SLC15A2: variants seen among roughly 807,000 people sequenced by gnomAD.
The protein encoded by SLC15A2 is solute carrier family 15 member 2.
In SLC15A2, 77 loss-of-function variants were observed where a neutral mutation model predicts 95.5. The ratio of observed to expected loss-of-function variants is 0.81; its 90% CI spans 0.67 to 0.97. SLC15A2 has a LOEUF of 0.97. Among genes scored for constraint, SLC15A2 ranks in the 50% least tolerant of loss-of-function variants. SLC15A2 has a pLI of 0.00. For missense variants in SLC15A2, 893 were observed against 874.4 expected (o/e 1.02, Z -0.27); for synonymous variants, 306 against 306.9 (o/e 1.00, Z 0.03).
intron 19 of SLC15A2, among the ~76,000 whole-genome samples, chr3:121,933,302 G>C (rs1710269952): frequency 6.6e-6 from 1 of 151,612 alleles, no homozygotes; most frequent in African/African-American, 2.4e-5. Flanking sequence ...GGGTCAAATA[G>C]TATTTCTAGT....
At chr3:121,904,519 C>T (rs186690463) in intron 3 of SLC15A2, among the ~76,000 whole-genome samples, 109 of 152,096 alleles carry the variant, frequency 7.2e-4, no homozygotes, top group African/African-American at 2.3e-3. Context: ...TTTTGAGATA[C>T]GTTCCATCAA....
intron 13 of SLC15A2, 22 bp from the exon 14 acceptor site, chr3:121,927,736 T>G (rs759433451): frequency 1.3e-6 from 2 of 1,580,862 alleles, no homozygotes; most frequent in Non-Finnish European, 1.7e-6. Context: ...TTAGATATAA[T>G]TGTTTCTCCT....
chr3:121,904,557 T>G (rs1417314284), intron 3 of SLC15A2, among the ~76,000 whole-genome samples: 1 of 152,246 alleles, frequency 6.6e-6, no homozygotes, highest in Non-Finnish European at 1.5e-5. Flanking sequence ...GTTTTTAGCA[T>G]GAAGGGCTGT....
At chr3:121,920,527 A>G (rs2107593667) in intron 7 of SLC15A2, among the ~76,000 whole-genome samples, 1 of 152,186 alleles carries the variant, frequency 6.6e-6, no homozygotes, top group South Asian at 2.1e-4. Flanking sequence ...CAATCTCTCG[A>G]CCTTGTAATC....
intron 3 of SLC15A2, among the ~76,000 whole-genome samples, chr3:121,911,025 C>T (rs954332690): frequency 2.0e-5 from 3 of 152,130 alleles, no homozygotes; most frequent in Non-Finnish European, 4.4e-5. Flanking sequence ...TCCAAGTTAC[C>T]CAGGCTGAAC....
At chr3:121,909,561 T>C (rs1288336860) in intron 3 of SLC15A2, among the ~76,000 whole-genome samples, 4 of 152,212 alleles carry the variant, frequency 2.6e-5, no homozygotes, top group African/African-American at 9.6e-5. Flanking sequence ...TTCCTGCCAT[T>C]AGTTTCCTCT....
intron 3 of SLC15A2, among the ~76,000 whole-genome samples, chr3:121,902,451 T>C (rs1303987671): frequency 2.0e-5 from 3 of 152,190 alleles, no homozygotes; most frequent in African/African-American, 7.2e-5. Context: ...TGTTGGTTTG[T>C]TGCACCCATG....
At chr3:121,919,540 G>A (rs1322515434) in intron 7 of SLC15A2, among the ~76,000 whole-genome samples, 1 of 152,078 alleles carries the variant, frequency 6.6e-6, no homozygotes, top group Non-Finnish European at 1.5e-5. Flanking sequence ...CCACTAGATT[G>A]GTTAAAAGGC....
At chr3:121,926,385 A>C (rs1235842843) in intron 13 of SLC15A2, among the ~76,000 whole-genome samples, 1 of 152,138 alleles carries the variant, frequency 6.6e-6, no homozygotes, top group Admixed American at 6.5e-5. Context: ...ATTTAAAAGC[A>C]TGTAGTATCT....
At chr3:121,925,725 ACTATATATAT>A (rs1710102733) in intron 13 of SLC15A2, among the ~76,000 whole-genome samples, 2 of 56,338 alleles carry the variant, frequency 3.6e-5, no homozygotes, top group Non-Finnish European at 6.5e-5. Context: ...AAGGGGCTAG[ACTATATATAT>A]ATATATATAT....
chr3:121,939,540 A>G, intron 20 of SLC15A2, 45 bp downstream of exon 20: 1 of 1,447,682 alleles, frequency 6.9e-7, no homozygotes, highest in Admixed American at 2.6e-5. Flanking sequence ...CATTGCTTGA[A>G]GGACAATGAA....
chr3:121,898,143 C>T (rs1709454904), intron 3 of SLC15A2, among the ~76,000 whole-genome samples: 1 of 147,460 alleles, frequency 6.8e-6, no homozygotes, highest in South Asian at 2.1e-4. Flanking sequence ...GCCTGGGCAA[C>T]AGAAAAAGAC....
intron 11 of SLC15A2, 136 bp downstream of exon 11, chr3:121,923,402 GT>G: frequency 1.3e-6 from 1 of 760,764 alleles, no homozygotes; most frequent in Non-Finnish European, 2.1e-6. Context: ...AAGGTACCGT[GT>G]AGGCAAAGAT....
In SLC15A2 at chr3:121,931,739, A is replaced by C. The variant is rs1381681224; in HGVS notation, c.1761+4A>C. On this transcript the variant is annotated splice_donor_region_variant and intron_variant, in intron 19 of 21. Coordinates refer to ENST00000489711, the MANE Select transcript of SLC15A2 (RefSeq NM_021082.4). ...ATATCTGTTTGTTATTACTAATGTA[A>C]GTAGCTCACAGCCACCTCTTTACCC... The C allele has an allele frequency of 3.6e-5, 56 of 1,541,586 alleles. No individual in the cohort carries two copies. The highest frequency in any genetic ancestry group is 4.8e-5 in the Non-Finnish European group (53 of 1,114,164).
In SLC15A2 at chr3:121,929,292, T is replaced by G; in HGVS notation, c.1507-10T>G. The stretch of plus-strand genomic sequence containing the variant: ...CAGCTGTTACTGATTTTTACTTTCC[T>G]CTGTTGTAGGTAAAGGATACAGAAA... On this transcript the variant is annotated splice_polypyrimidine_tract_variant and intron_variant, in intron 16 of 21. Coordinates refer to ENST00000489711, the MANE Select transcript of SLC15A2 (RefSeq NM_021082.4). 1 of 1,613,758 alleles carries G rather than the reference T, an allele frequency of 6.2e-7. No homozygotes were observed. Among genetic ancestry groups the G allele is most frequent in the Non-Finnish European group, 8.5e-7 (1 of 1,179,766 alleles).
intron 3 of SLC15A2, among the ~76,000 whole-genome samples, chr3:121,906,937 A>C (rs904275866): frequency 3.3e-5 from 5 of 152,260 alleles, no homozygotes; most frequent in Middle Eastern, 6.8e-3. Context: ...TAATATCTTG[A>C]AGAGTGTTTT....
intron 3 of SLC15A2, among the ~76,000 whole-genome samples, chr3:121,910,237 C>T (rs796947053): frequency 1.1e-4 from 16 of 148,368 alleles, no homozygotes; most frequent in Middle Eastern, 3.6e-3. Context: ...GCTCTGTCGC[C>T]AGTATGGAGT....
At chr3:121,933,774 C>T (rs1330813977) in intron 19 of SLC15A2, among the ~76,000 whole-genome samples, 2 of 150,640 alleles carry the variant, frequency 1.3e-5, no homozygotes, top group African/African-American at 2.4e-5. Context: ...TAATTAGATC[C>T]CATTTGTCAA....
chr3:121,898,306 T>A (rs1328706681), intron 3 of SLC15A2, among the ~76,000 whole-genome samples: 1 of 152,178 alleles, frequency 6.6e-6, no homozygotes, highest in Non-Finnish European at 1.5e-5. Flanking sequence ...CTATTTCTCT[T>A]CTCTAATGTC....
Sources: allele counts gnomAD v4.1 joint callset (sites outside exome capture counted in the v4.1 genomes callset), GRCh38; gene constraint gnomAD v4.1.1; transcripts MANE v1.5; gene names NCBI Gene and HGNC (gene_info 2026-07-23, HGNC 2026-07-21).